NR6A1: variants seen among roughly 807,000 people sequenced by gnomAD.
NR6A1 encodes nuclear receptor subfamily 6 group A member 1.
A neutral mutation model predicts 59.1 loss-of-function variants in NR6A1; 7 were observed. That is an observed-to-expected ratio of 0.12 (90% CI 0.07 to 0.22). The LOEUF (loss-of-function observed/expected upper bound fraction) is 0.22. Ranked by LOEUF, NR6A1 falls within the 10% of genes least tolerant of loss-of-function variation. NR6A1 has a pLI of 1.00. For missense variants in NR6A1, 468 were observed against 611.6 expected (o/e 0.77, Z 2.48); for synonymous variants, 243 against 236.1 (o/e 1.03, Z -0.27).
intron 2 of NR6A1, among the ~76,000 whole-genome samples, chr9:124,686,777 G>A (rs889265058): frequency 2.5e-4 from 37 of 150,118 alleles, no homozygotes; most frequent in Admixed American, 1.1e-3. Context: ...AAACACGGCT[G>A]ACTGCAGCCT....
chr9:124,761,757 C>A (rs1327123812), intron 1 of NR6A1, among the ~76,000 whole-genome samples: 1 of 152,150 alleles, frequency 6.6e-6, no homozygotes, highest in Non-Finnish European at 1.5e-5. Context: ...ATAAATTGTT[C>A]ATTATTCTAT....
At chr9:124,558,068 T>C (rs760713489) in intron 2 of NR6A1, among the ~76,000 whole-genome samples, 1 of 152,160 alleles carries the variant, frequency 6.6e-6, no homozygotes, top group Non-Finnish European at 1.5e-5. Flanking sequence ...GTTAAACAAT[T>C]TGTCCACCTA....
chr9:124,663,500 A>T (rs1211097981), intron 2 of NR6A1, among the ~76,000 whole-genome samples: 1 of 152,164 alleles, frequency 6.6e-6, no homozygotes, highest in Non-Finnish European at 1.5e-5. Flanking sequence ...CTTCATTCAT[A>T]AAATACAAAT....
intron 4 of NR6A1, 111 bp from the exon 5 acceptor site, chr9:124,540,298 T>G: frequency 1.7e-6 from 2 of 1,174,388 alleles, no homozygotes; most frequent in Non-Finnish European, 2.4e-6. Context: ...CTAGGTTCCC[T>G]CTCCTCCATC....
At chr9:124,567,559 G>A (rs1450577282) in intron 2 of NR6A1, among the ~76,000 whole-genome samples, 1 of 151,982 alleles carries the variant, frequency 6.6e-6, no homozygotes, top group Admixed American at 6.6e-5. Flanking sequence ...GAGCCCGGGA[G>A]TCGGAGACCA....
intron 7 of NR6A1, among the ~76,000 whole-genome samples, chr9:124,527,450 C>T (rs548302137): frequency 6.6e-6 from 1 of 152,334 alleles, no homozygotes; most frequent in Non-Finnish European, 1.5e-5. Context: ...ATTGGCATCC[C>T]TGACTTTGGC....
intron 2 of NR6A1, among the ~76,000 whole-genome samples, chr9:124,705,908 T>C (rs1376585551): frequency 1.3e-5 from 2 of 151,932 alleles, no homozygotes; most frequent in African/African-American, 2.4e-5. Flanking sequence ...CCCAAGTAGC[T>C]GCGATTACAG....
At chr9:124,531,854 C>T (rs182057554) in intron 7 of NR6A1, among the ~76,000 whole-genome samples, 1 of 152,316 alleles carries the variant, frequency 6.6e-6, no homozygotes, top group Non-Finnish European at 1.5e-5. Context: ...TTGTGCTCCA[C>T]TCTCTGTCTC....
chr9:124,653,830 C>T (rs768627233), intron 2 of NR6A1, among the ~76,000 whole-genome samples: 8 of 152,168 alleles, frequency 5.3e-5, no homozygotes, highest in Non-Finnish European at 1.2e-4. Context: ...TAAGAAAGTT[C>T]CTCTTCACTT....
rs368566202 is a variant in NR6A1, at chr9:124,645,354, G to A, written c.142+87954C>T. Among the ~76,000 whole-genome samples, 14 of 152,332 alleles carry A rather than the reference G, an allele frequency of 9.2e-5. No homozygotes were observed. The East Asian group carries it at 1.3e-3, about 15-fold the overall frequency. On this transcript the variant is annotated intron_variant, in intron 2 of 9. Coordinates refer to ENST00000487099, the MANE Select transcript of NR6A1 (RefSeq NM_033334.4). ...GTACCAATTAAAAGGCAGATTGTTA[G>A]AGTGAATCAGGAAACAAGACCCAAC...
At chr9:124,549,370 G>A (rs936246566) in intron 3 of NR6A1, among the ~76,000 whole-genome samples, 6 of 152,332 alleles carry the variant, frequency 3.9e-5, no homozygotes, top group Middle Eastern at 3.4e-3. Context: ...GGGATCAGGT[G>A]GCTGATGCCA....
At chr9:124,533,129 CA>C (rs1833147628) in intron 7 of NR6A1, among the ~76,000 whole-genome samples, 1 of 152,210 alleles carries the variant, frequency 6.6e-6, no homozygotes, top group Admixed American at 6.5e-5. Flanking sequence ...AAGTGGAGTC[CA>C]AAGGCTGATC....
At chr9:124,770,622 A>G (rs1254709037) in intron 1 of NR6A1, among the ~76,000 whole-genome samples, 1 of 99,920 alleles carries the variant, frequency 1.0e-5, no homozygotes, top group Non-Finnish European at 2.0e-5. Flanking sequence ...TTCCAACCTG[A>G]GGAGCCCGGG....
At position 124,543,404 on chromosome 9, in the gene NR6A1, C is replaced by A. The variant is rs541812511; in HGVS notation, c.441+398G>T. Among the ~76,000 whole-genome samples, 174 of 152,288 alleles carry A rather than the reference C, an allele frequency of 1.1e-3. 1 individual carries two copies. The highest frequency in any genetic ancestry group is 3.8e-3 in the African/African-American group (158 of 41,552). ...GGGATTGAATGGGGGTATTATCATT[C>A]CTACTCTACAATAAGACAATAATAT... On this transcript the variant is annotated intron_variant, in intron 4 of 9. Coordinates refer to ENST00000487099, the MANE Select transcript of NR6A1 (RefSeq NM_033334.4).
At chr9:124,698,838 G>A (rs1165667226) in intron 2 of NR6A1, among the ~76,000 whole-genome samples, 1 of 152,066 alleles carries the variant, frequency 6.6e-6, no homozygotes, top group Non-Finnish European at 1.5e-5. Context: ...ACTTGCCACA[G>A]AACCCATGAA....
At chr9:124,739,000 T>TA (rs397703492) in intron 1 of NR6A1, among the ~76,000 whole-genome samples, 79,285 of 137,622 alleles carry the variant, frequency 0.58, 22,778 homozygotes, top group African/African-American at 0.67. Flanking sequence ...AGACTCCATC[T>TA]AAAAAAAAAA....
chr9:124,754,531 T>C (rs1365430057), intron 1 of NR6A1, among the ~76,000 whole-genome samples: 1 of 152,254 alleles, frequency 6.6e-6, no homozygotes, highest in East Asian at 1.9e-4. Flanking sequence ...GGTAGAAATA[T>C]ACATCCTTGT....
In NR6A1 at chr9:124,758,220, T is replaced by C. The variant is rs561868920; in HGVS notation, c.100+12800A>G. On this transcript the variant is annotated intron_variant, in intron 1 of 9. Transcript: ENST00000487099. Reference sequence around the variant, plus strand: ...TGGTTTCCTGGTGCCAGTAAAATGATTGATGAATATTTCAACTGCAGCTAC... The same window carrying C: ...TGGTTTCCTGGTGCCAGTAAAATGACTGATGAATATTTCAACTGCAGCTAC... 4.9e-4 allele frequency among the ~76,000 whole-genome samples: 75 copies of C among 152,346 alleles called. 1 individual carries two copies. The South Asian group carries it at 0.011, about 21-fold the overall frequency.
chr9:124,691,362 G>A (rs762869870), intron 2 of NR6A1, among the ~76,000 whole-genome samples: 1 of 152,114 alleles, frequency 6.6e-6, no homozygotes, highest in Non-Finnish European at 1.5e-5. Flanking sequence ...ATGAATTTGA[G>A]ACCAGTCAGC....
Sources: gnomAD v4.1 joint callset for allele counts (sites outside exome capture counted in the v4.1 genomes callset) on GRCh38, gnomAD v4.1.1 for gene constraint, MANE v1.5 for transcripts, NCBI Gene and HGNC (gene_info 2026-07-23, HGNC 2026-07-21) for gene names.